Variants in ARHGEF6 observed in about 807,000 individuals in gnomAD.
The protein encoded by ARHGEF6 is Rac/Cdc42 guanine nucleotide exchange factor 6.
In ARHGEF6, 9 loss-of-function variants were observed where a neutral mutation model predicts 70.3. The observed-to-expected ratio is 0.13, with a 90% CI of 0.08 to 0.22. The LOEUF is 0.22. Ranked by LOEUF, ARHGEF6 falls within the 10% of genes least tolerant of loss-of-function variation. The pLI, the probability that ARHGEF6 is intolerant of heterozygous loss-of-function variation, is 1.00. For synonymous variants in ARHGEF6, 201 were observed against 207.8 expected (o/e 0.97, Z 0.28); for missense variants, 470 against 563.0 (o/e 0.83, Z 1.67).
intron 18 of ARHGEF6, among the ~76,000 whole-genome samples, chrX:136,676,023 T>C (rs767176924): frequency 3.6e-5 from 4 of 112,085 alleles, no homozygotes; most frequent in African/African-American, 1.3e-4. Flanking sequence ...TCCCAGCTGA[T>C]ACACACAATT....
chrX:136,686,707 T>TACAC (rs1336628157), intron 11 of ARHGEF6, among the ~76,000 whole-genome samples: 3 of 27,337 alleles, frequency 1.1e-4, no homozygotes, highest in Non-Finnish European at 1.4e-4. Flanking sequence ...CATATATATA[T>TACAC]ACATATATAT....
intron 6 of ARHGEF6, among the ~76,000 whole-genome samples, chrX:136,729,332 G>T (rs1469183843): frequency 1.1e-4 from 12 of 105,838 alleles, no homozygotes; most frequent in Non-Finnish European, 2.1e-4. Context: ...GCCGGGAATT[G>T]TGGTGCATGC....
At chrX:136,774,569 T>C (rs1034524930) in intron 2 of ARHGEF6, among the ~76,000 whole-genome samples, 12 of 104,595 alleles carry the variant, frequency 1.1e-4, no homozygotes, top group Non-Finnish European at 2.3e-4. Context: ...GAGAATTGCT[T>C]GAGCCCAGGA....
chrX:136,730,949 T>C lies in ARHGEF6; in HGVS notation c.732+1153A>G, dbSNP rs182324557. ...GACCCACAGAGAGAAGCAGCTATGG[T>C]AATATTTTCATCCACCATTCCACTA... On this transcript the variant is annotated intron_variant, in intron 6 of 21. Coordinates refer to ENST00000250617, the MANE Select transcript of ARHGEF6 (RefSeq NM_004840.3). Among the ~76,000 whole-genome samples, 191 of 111,260 alleles carry C rather than the reference T, an allele frequency of 1.7e-3. 1 individual carries two copies. Among genetic ancestry groups the C allele is most frequent in the Admixed American group, 3.2e-3 (34 of 10,497 alleles).
intron 20 of ARHGEF6, among the ~76,000 whole-genome samples, chrX:136,670,634 C>T (rs2076215511): frequency 9.0e-6 from 1 of 111,061 alleles, no homozygotes; most frequent in Admixed American, 9.6e-5. Context: ...TCGACGTTTT[C>T]AATTCCCGTC....
At chrX:136,736,702 T>C in intron 5 of ARHGEF6, among the ~76,000 whole-genome samples, 2 of 110,591 alleles carry the variant, frequency 1.8e-5, no homozygotes, top group Middle Eastern at 4.7e-3. Flanking sequence ...AGGTGGGTGA[T>C]TCTTTATGCT....
intron 2 of ARHGEF6, among the ~76,000 whole-genome samples, chrX:136,760,590 C>G (rs1443699027): frequency 1.8e-5 from 2 of 112,336 alleles, no homozygotes; most frequent in Admixed American, 9.4e-5. Flanking sequence ...AAATGCCTTC[C>G]TTTTGGTATA....
At chrX:136,779,324 A>G (rs1321094733) in intron 2 of ARHGEF6, 90 bp downstream of exon 2, 2 of 832,524 alleles carry the variant, frequency 2.4e-6, no homozygotes, top group African/African-American at 4.0e-5. Context: ...GGCCAATGAC[A>G]GTGAAAATAA....
At position 136,744,972 on chromosome X, in the gene ARHGEF6, T is replaced by G. The variant is rs2077080534; in HGVS notation, c.459+251A>C. On this transcript the variant is annotated intron_variant, in intron 4 of 21. Transcript: ENST00000250617. ...ATAATGACTTCCATTTGCATAGCAT[T>G]CTCAGTTAAGTGACTTGCCTAATTC... Among the ~76,000 whole-genome samples the G allele has an allele frequency of 4.5e-5, 5 of 112,155 alleles. No individual in the cohort carries two copies. In the South Asian group the frequency reaches 1.9e-3, roughly 42 times the overall value.
Position 136,752,511 on chromosome X carries a change from C to G in ARHGEF6, c.250-4919G>C, listed in dbSNP as rs1053131739. ...CTCCTGATTTTCTTGACATCATGCTCTAACCACCTGAGTTAACCAGTCACA... is the reference window on the plus strand; with the variant it reads ...CTCCTGATTTTCTTGACATCATGCTGTAACCACCTGAGTTAACCAGTCACA... On this transcript the variant is annotated intron_variant, in intron 2 of 21. Coordinates refer to ENST00000250617, the MANE Select transcript of ARHGEF6 (RefSeq NM_004840.3). Among the ~76,000 whole-genome samples the G allele has an allele frequency of 3.6e-5, 4 of 112,316 alleles. No homozygotes were observed. The East Asian group carries it at 1.1e-3, about 31-fold the overall frequency.
intron 6 of ARHGEF6, among the ~76,000 whole-genome samples, chrX:136,719,820 G>A (rs1156800471): frequency 2.7e-5 from 3 of 111,140 alleles, no homozygotes; most frequent in Non-Finnish European, 3.8e-5. Flanking sequence ...TATCACTAGC[G>A]ATCCCATGGA....
chrX:136,727,034 T>C (rs2076859850), intron 6 of ARHGEF6, among the ~76,000 whole-genome samples: 1 of 112,521 alleles, frequency 8.9e-6, no homozygotes, highest in Non-Finnish European at 1.9e-5. Flanking sequence ...AATTTGCTCA[T>C]ATGGCTCCCC....
chrX:136,710,321 T>C (rs1182618442), intron 7 of ARHGEF6, among the ~76,000 whole-genome samples: 1 of 77,419 alleles, frequency 1.3e-5, no homozygotes, highest in East Asian at 5.3e-4. Flanking sequence ...ATATATATTA[T>C]ATATTATACA....
rs903662695 is a variant in ARHGEF6, at chrX:136,762,735, G to A, written c.250-15143C>T. Among the ~76,000 whole-genome samples, 6 of 111,299 alleles carry A rather than the reference G, an allele frequency of 5.4e-5. No individual in the cohort carries two copies. In the East Asian group the frequency reaches 1.1e-3, roughly 21 times the overall value. On this transcript the variant is annotated intron_variant, in intron 2 of 21. Transcript: ENST00000250617. ...TTGAACTCCTGACCTCAAGTGATCC[G>A]CCTGCCTCAGCCTCCCAAAGTGCTA...
At chrX:136,733,746 CA>C (rs2076959022) in intron 5 of ARHGEF6, among the ~76,000 whole-genome samples, 1 of 112,249 alleles carries the variant, frequency 8.9e-6, no homozygotes. Flanking sequence ...CACTAAGATT[CA>C]AGGAAGTGAA....
chrX:136,771,908 T>C (rs1372956934), intron 2 of ARHGEF6, among the ~76,000 whole-genome samples: 1 of 112,072 alleles, frequency 8.9e-6, no homozygotes, highest in African/African-American at 3.2e-5. Flanking sequence ...CTGCTGGGTA[T>C]GTTACCCAAA....
At chrX:136,686,833 C>T (rs1329513365) in intron 11 of ARHGEF6, among the ~76,000 whole-genome samples, 1 of 102,451 alleles carries the variant, frequency 9.8e-6, no homozygotes, top group African/African-American at 3.5e-5. Context: ...AGTTCTGTTA[C>T]TGTTTCCAAA....
intron 2 of ARHGEF6, chrX:136,767,908 C>A (rs2077334174): frequency 5.5e-6 from 3 of 550,428 alleles, no homozygotes; most frequent in Non-Finnish European, 6.6e-6. Context: ...CCGCGGTGTA[C>A]CCGCGGCGGC....
chrX:136,735,223 T>C (rs928523612), intron 5 of ARHGEF6, among the ~76,000 whole-genome samples: 1 of 111,315 alleles, frequency 9.0e-6, no homozygotes, highest in Non-Finnish European at 1.9e-5. Flanking sequence ...TTGGAAAGTC[T>C]AAAAAAATGT....
Sources: allele counts gnomAD v4.1 joint callset (sites outside exome capture counted in the v4.1 genomes callset), GRCh38; gene constraint gnomAD v4.1.1; transcripts MANE v1.5; gene names NCBI Gene and HGNC (gene_info 2026-07-23, HGNC 2026-07-21).